The following TIAM1 variants were observed in gnomAD, a reference collection of about 807,000 sequenced individuals.
TIAM1 encodes TIAM Rac1 associated GEF 1.
TIAM1 carries 65 observed loss-of-function variants against 163.5 expected under a neutral mutation model. The observed-to-expected ratio is 0.40, with a 90% CI of 0.33 to 0.49. The LOEUF (loss-of-function observed/expected upper bound fraction) is 0.49. TIAM1 is among the 20% of genes least tolerant of loss of function. The probability of loss-of-function intolerance (pLI) is 0.77; values close to 1 mark genes in which losing one functional copy is unlikely to be tolerated. For synonymous variants in TIAM1, 833 were observed against 810.1 expected (o/e 1.03, Z -0.48); for missense variants, 1,789 against 2,044.7 (o/e 0.87, Z 2.41).
chr21:31,463,172 G>A (rs541812538), intron 2 of TIAM1, among the ~76,000 whole-genome samples: 2 of 152,264 alleles, frequency 1.3e-5, no homozygotes, highest in East Asian at 1.9e-4. Context: ...AACTCGATGA[G>A]AGCTCAAGAC....
At chr21:31,440,871 C>T (rs900212061) in intron 2 of TIAM1, among the ~76,000 whole-genome samples, 1 of 151,780 alleles carries the variant, frequency 6.6e-6, no homozygotes, top group Admixed American at 6.6e-5. Flanking sequence ...CAGAGTGAGA[C>T]TGTTTCAAAA....
intron 23 of TIAM1, among the ~76,000 whole-genome samples, chr21:31,133,102 TC>T (rs2082481693): frequency 6.6e-6 from 1 of 152,174 alleles, no homozygotes; most frequent in African/African-American, 2.4e-5. Context: ...GATCCTTCCT[TC>T]ACAGCACCTC....
chr21:31,256,630 T>A (rs1762854), intron 4 of TIAM1, among the ~76,000 whole-genome samples: 148,624 of 149,052 alleles, frequency 1, 74,101 homozygotes, highest in Middle Eastern at 1. Context: ...CACACACACG[T>A]ATATTATCTT....
intron 11 of TIAM1, among the ~76,000 whole-genome samples, chr21:31,203,311 T>C (rs1322136757): frequency 2.0e-5 from 3 of 152,092 alleles, no homozygotes; most frequent in African/African-American, 7.2e-5. Flanking sequence ...TTAGTGGAGA[T>C]GGGGTTTCAC....
chr21:31,157,694 A>T (rs1187059905), intron 16 of TIAM1, among the ~76,000 whole-genome samples: 1 of 151,996 alleles, frequency 6.6e-6, no homozygotes, highest in Non-Finnish European at 1.5e-5. Context: ...GGGCTGTGAG[A>T]GCAAACCCGA....
chr21:31,479,637 C>CA (rs1176223530), intron 1 of TIAM1, among the ~76,000 whole-genome samples: 12 of 152,142 alleles, frequency 7.9e-5, no homozygotes, highest in Non-Finnish European at 1.2e-4. Context: ...CAAAACACTA[C>CA]AAATCAGGCC....
intron 2 of TIAM1, among the ~76,000 whole-genome samples, chr21:31,422,220 A>G (rs770913239): frequency 2.4e-4 from 36 of 152,108 alleles, no homozygotes; most frequent in Non-Finnish European, 4.3e-4. Context: ...TAAAGACAAG[A>G]AAATCACACA....
Position 31,395,561 on chromosome 21 carries a change from A to G in TIAM1, c.-368-56139T>C, listed in dbSNP as rs1398706274. Among the ~76,000 whole-genome samples, 1 of 152,220 alleles carries G rather than the reference A, an allele frequency of 6.6e-6. No homozygotes were observed. The highest frequency in any genetic ancestry group is 6.5e-5 in the Admixed American group (1 of 15,282). ...CCAACCCTGCATTTTCTGCCACAGG[A>G]GAATGTATTGTTCTCTCCAACTGAG... On this transcript the variant is annotated intron_variant, in intron 2 of 28. Transcript: ENST00000286827. This position sits in a 1 kb window ranked among gnomAD's most constrained non-coding sequence, Gnocchi z 7.5.
At chr21:31,414,918 G>A (rs1056734506) in intron 2 of TIAM1, among the ~76,000 whole-genome samples, 3 of 152,174 alleles carry the variant, frequency 2.0e-5, no homozygotes, top group Admixed American at 1.3e-4. Flanking sequence ...AAATCATCAC[G>A]CACTCCAAGG....
chr21:31,201,811 C>G (rs114291431), intron 12 of TIAM1, among the ~76,000 whole-genome samples: 2,113 of 152,220 alleles, frequency 0.014, 59 homozygotes, highest in African/African-American at 0.048. Flanking sequence ...ACAGGAACTC[C>G]AAAATAGAGG....
chr21:31,136,169 G>T, intron 22 of TIAM1, 128 bp from the exon 23 acceptor site: 1 of 770,284 alleles, frequency 1.3e-6, no homozygotes. Flanking sequence ...AAAAACATTT[G>T]CTTAAATATG....
chr21:31,435,551 T>G (rs1043428731), intron 2 of TIAM1, among the ~76,000 whole-genome samples: 2 of 152,200 alleles, frequency 1.3e-5, no homozygotes, highest in African/African-American at 2.4e-5. Context: ...ACACAGCAAC[T>G]TATAGATTAT....
intron 6 of TIAM1, among the ~76,000 whole-genome samples, chr21:31,244,728 A>C (rs963418340): frequency 2.6e-5 from 4 of 152,222 alleles, no homozygotes; most frequent in Admixed American, 2.0e-4. Context: ...TTCATCTCAA[A>C]AAAAGAGAGG....
chr21:31,291,275 A>AT (rs749225735), intron 2 of TIAM1, among the ~76,000 whole-genome samples: 3 of 152,216 alleles, frequency 2.0e-5, no homozygotes, highest in Non-Finnish European at 2.9e-5. Flanking sequence ...ATGAAAAATT[A>AT]TTTTTAAAAA....
At chr21:31,237,021 G>A (rs2070929985) in intron 6 of TIAM1, among the ~76,000 whole-genome samples, 1 of 152,160 alleles carries the variant, frequency 6.6e-6, no homozygotes, top group South Asian at 2.1e-4. Context: ...AAGAGAAATG[G>A]CAAGACTCAC....
At chr21:31,365,138 G>C (rs2076477231) in intron 2 of TIAM1, among the ~76,000 whole-genome samples, 1 of 152,098 alleles carries the variant, frequency 6.6e-6, no homozygotes, top group Non-Finnish European at 1.5e-5. Context: ...CCTCAGGCCA[G>C]AATTCAACGA....
chr21:31,367,160 G>A (rs943312549), intron 2 of TIAM1, among the ~76,000 whole-genome samples: 2 of 151,972 alleles, frequency 1.3e-5, no homozygotes, highest in Admixed American at 1.3e-4. Flanking sequence ...GAGGGAGAGA[G>A]GAAAGGAGGA....
chr21:31,286,659 G>A (rs899812877), intron 2 of TIAM1, among the ~76,000 whole-genome samples: 1 of 152,206 alleles, frequency 6.6e-6, no homozygotes, highest in South Asian at 2.1e-4. Flanking sequence ...GCTGCAATGA[G>A]CTGTGGCTGT....
chr21:31,385,460 T>C lies in TIAM1; in HGVS notation c.-368-46038A>G, dbSNP rs1465099627. 3.9e-5 allele frequency among the ~76,000 whole-genome samples: 6 copies of C among 152,158 alleles called. No homozygotes were observed. The East Asian group carries it at 9.7e-4, about 24-fold the overall frequency. ...GTGGGGTCAAGGGTCCCAAGGCATTTTGGGGTGCGAGATGCAGGGAGAGCC... is the reference window on the plus strand; with the variant it reads ...GTGGGGTCAAGGGTCCCAAGGCATTCTGGGGTGCGAGATGCAGGGAGAGCC... On this transcript the variant is annotated intron_variant, in intron 2 of 28. Transcript: ENST00000286827.
Sources: allele counts gnomAD v4.1 joint callset (sites outside exome capture counted in the v4.1 genomes callset), GRCh38; gene constraint gnomAD v4.1.1; non-coding constraint Gnocchi (gnomAD v3.1); transcripts MANE v1.5; gene names NCBI Gene and HGNC (gene_info 2026-07-23, HGNC 2026-07-21).